Variants in PTBP2 observed in about 807,000 individuals in gnomAD.
PTBP2 encodes polypyrimidine tract binding protein 2.
In PTBP2, 13 loss-of-function variants were observed where a neutral mutation model predicts 61.4. The ratio of observed to expected loss-of-function variants is 0.21; its 90% CI spans 0.14 to 0.34. The LOEUF (loss-of-function observed/expected upper bound fraction) is 0.34, where lower values mean the gene tolerates loss of function less well. Among genes scored for constraint, PTBP2 ranks in the 10% least tolerant of loss-of-function variants. The probability of loss-of-function intolerance (pLI) is 1.00; values close to 1 mark genes in which losing one functional copy is unlikely to be tolerated. For missense variants in PTBP2, 405 were observed against 642.6 expected (o/e 0.63, Z 4.00); for synonymous variants, 215 against 218.5 (o/e 0.98, Z 0.14).
At chr1:96,763,122 C>T (rs1017730195) in intron 3 of PTBP2, among the ~76,000 whole-genome samples, 5 of 151,926 alleles carry the variant, frequency 3.3e-5, no homozygotes, top group Non-Finnish European at 4.4e-5. Context: ...GGGCTCCTCA[C>T]GTTCCAGACG....
At chr1:96,754,650 A>G (rs1358205839) in intron 3 of PTBP2, among the ~76,000 whole-genome samples, 1 of 152,194 alleles carries the variant, frequency 6.6e-6, no homozygotes, top group African/African-American at 2.4e-5. Context: ...TCATAATAAC[A>G]TAAAGATAAA....
chr1:96,776,835 G>A (rs1407385010), intron 5 of PTBP2, among the ~76,000 whole-genome samples: 1 of 151,440 alleles, frequency 6.6e-6, no homozygotes, highest in Admixed American at 6.6e-5. Flanking sequence ...AATTTTATGG[G>A]TATATTTTTT....
intron 10 of PTBP2, 132 bp downstream of exon 10, chr1:96,806,584 C>G (rs1367321012): frequency 6.8e-6 from 7 of 1,032,426 alleles, no homozygotes; most frequent in Middle Eastern, 2.3e-4. Flanking sequence ...CTATTTAAAA[C>G]TCTCCATAGA....
At chr1:96,806,516 T>C in intron 10 of PTBP2, 64 bp downstream of exon 10, 1 of 1,506,572 alleles carries the variant, frequency 6.6e-7, no homozygotes, top group Non-Finnish European at 9.2e-7. Flanking sequence ...TTAATTCTTA[T>C]TTGTAGCTAG....
chr1:96,735,688 A>AT (rs1285400659), intron 2 of PTBP2, among the ~76,000 whole-genome samples: 1 of 152,254 alleles, frequency 6.6e-6, no homozygotes, highest in African/African-American at 2.4e-5. Flanking sequence ...GAACAAAAAA[A>AT]TAAAAATAAC....
intron 5 of PTBP2, 192 bp downstream of exon 5, chr1:96,771,043 G>C (rs1043001119): frequency 2.3e-6 from 1 of 429,106 alleles, no homozygotes; most frequent in Non-Finnish European, 4.0e-6. Flanking sequence ...TAATCCCCTG[G>C]TCAAATGTTC....
At chr1:96,796,317 C>T (rs530632964) in intron 8 of PTBP2, among the ~76,000 whole-genome samples, 1 of 150,446 alleles carries the variant, frequency 6.6e-6, no homozygotes, top group African/African-American at 2.4e-5. Context: ...GAAGTAGGTG[C>T]AGAGCTGGAA....
rs66475516 is a variant in PTBP2 at position 96,813,661 on chromosome 1, C to CTTTTTTTTTTTTTTTTTTTTTTTCT, written c.*277_*278insTTCTTTTTTTTTTTTTTTTTTTTTT. ...TGTTTAAAATTTCAGTTTAATTTTG[C>CTTTTTTTTTTTTTTTTTTTTTTTCT]TTTTTTTTTTTTTTTTTTTTTCCTT... is the stretch of plus-strand genomic sequence containing the variant. On this transcript the variant is annotated 3_prime_UTR_variant, in exon 14 of 14. Transcript: ENST00000674951. 1 of 120,696 alleles carries CTTTTTTTTTTTTTTTTTTTTTTTCT rather than the reference C, an allele frequency of 8.3e-6. No homozygotes were observed. The highest frequency in any genetic ancestry group is 1.5e-5 in the Non-Finnish European group (1 of 65,516). 7.5% of individuals were successfully genotyped at this position (120,696 alleles called of 1,614,324 possible). A position where few individuals can be genotyped will look rare whatever the true frequency, so the allele number is the denominator to read the frequency against.
intron 2 of PTBP2, among the ~76,000 whole-genome samples, chr1:96,724,459 G>A (rs1006855335): frequency 2.6e-5 from 4 of 151,880 alleles, no homozygotes; most frequent in African/African-American, 9.7e-5. Context: ...CTGTTGGTCA[G>A]GCTGGTCTCA....
At chr1:96,772,463 A>G (rs1211231256) in intron 5 of PTBP2, among the ~76,000 whole-genome samples, 2 of 152,130 alleles carry the variant, frequency 1.3e-5, no homozygotes, top group African/African-American at 4.8e-5. Context: ...ACAATGTCAC[A>G]ATACAGTATT....
intron 1 of PTBP2, among the ~76,000 whole-genome samples, chr1:96,722,381 G>A (rs1342859113): frequency 1.3e-5 from 2 of 152,030 alleles, no homozygotes; most frequent in African/African-American, 4.8e-5. Context: ...GGCCCTCCGT[G>A]GTCGGGAGAG....
At chr1:96,735,354 T>C (rs2100826990) in intron 2 of PTBP2, among the ~76,000 whole-genome samples, 1 of 152,348 alleles carries the variant, frequency 6.6e-6, no homozygotes, top group African/African-American at 2.4e-5. Flanking sequence ...GAATGTTTTC[T>C]TGTCAAGAAC....
chr1:96,746,702 GAAAAAAA>G (rs34663964), intron 2 of PTBP2, among the ~76,000 whole-genome samples: 54 of 111,844 alleles, frequency 4.8e-4, no homozygotes, highest in African/African-American at 1.7e-3. Flanking sequence ...GACTTTGTCT[GAAAAAAA>G]AAAAAAAAAA....
chr1:96,805,137 TTATATC>T (rs1002194134), intron 9 of PTBP2, among the ~76,000 whole-genome samples, 198 bp downstream of exon 9: 42 of 152,262 alleles, frequency 2.8e-4, no homozygotes, highest in African/African-American at 8.9e-4. Context: ...TCATGTCTCT[TTATATC>T]TATATCTATA....
At chr1:96,741,900 C>T (rs939018494) in intron 2 of PTBP2, among the ~76,000 whole-genome samples, 6 of 152,160 alleles carry the variant, frequency 3.9e-5, no homozygotes, top group African/African-American at 1.4e-4. Flanking sequence ...CTTCAGGTTT[C>T]CGTATATTCA....
chr1:96,790,232 T>C (rs1310491405), intron 8 of PTBP2, among the ~76,000 whole-genome samples: 4 of 152,156 alleles, frequency 2.6e-5, no homozygotes, highest in Non-Finnish European at 4.4e-5. Context: ...TTATATAAAC[T>C]TAAAGTTAGT....
intron 8 of PTBP2, among the ~76,000 whole-genome samples, chr1:96,793,726 T>G (rs1220289582): frequency 6.6e-6 from 1 of 152,200 alleles, no homozygotes. Flanking sequence ...CACAAATTAA[T>G]TTGAAGCTGT....
At chr1:96,803,041 A>G (rs902693119) in intron 8 of PTBP2, among the ~76,000 whole-genome samples, 2 of 152,162 alleles carry the variant, frequency 1.3e-5, no homozygotes, top group African/African-American at 4.8e-5. Flanking sequence ...AAGTGAACGT[A>G]TCCATTGAAT....
intron 7 of PTBP2, among the ~76,000 whole-genome samples, chr1:96,778,651 C>T (rs1197954133): frequency 6.6e-6 from 1 of 151,958 alleles, no homozygotes; most frequent in Non-Finnish European, 1.5e-5. Flanking sequence ...ATTATTAAGC[C>T]ATTAAAAATT....
Sources: gnomAD v4.1 joint callset for allele counts (sites outside exome capture counted in the v4.1 genomes callset) on GRCh38, gnomAD v4.1.1 for gene constraint, MANE v1.5 for transcripts, NCBI Gene and HGNC (gene_info 2026-07-23, HGNC 2026-07-21) for gene names.